The following LARP1B variants were observed in gnomAD, a reference collection of about 807,000 sequenced individuals.
The protein encoded by LARP1B is la-related protein 1B.
A neutral mutation model predicts 114.2 loss-of-function variants in LARP1B; 76 were observed. The ratio of observed to expected loss-of-function variants is 0.67; its 90% CI spans 0.55 to 0.81. The LOEUF (loss-of-function observed/expected upper bound fraction) is 0.81, where lower values mean the gene tolerates loss of function less well. LARP1B is among the 30% of genes least tolerant of loss of function. LARP1B has a pLI of 0.00. For missense variants in LARP1B, 1,014 were observed against 1,075.8 expected (o/e 0.94, Z 0.80); for synonymous variants, 345 against 348.0 (o/e 0.99, Z 0.10).
chr4:128,171,679 A>C (rs1477580605), intron 12 of LARP1B, among the ~76,000 whole-genome samples: 1 of 152,194 alleles, frequency 6.6e-6, no homozygotes, highest in African/African-American at 2.4e-5. Context: ...CAATTCTTTT[A>C]GAGCAGTTCA....
At chr4:128,144,036 T>C (rs1729280573) in intron 11 of LARP1B, among the ~76,000 whole-genome samples, 1 of 152,140 alleles carries the variant, frequency 6.6e-6, no homozygotes, top group Non-Finnish European at 1.5e-5. Flanking sequence ...TTCTTTGTTG[T>C]AGAAGCTGTC....
chr4:128,179,070 G>T (rs1747440480), intron 14 of LARP1B, among the ~76,000 whole-genome samples: 1 of 152,146 alleles, frequency 6.6e-6, no homozygotes, highest in Non-Finnish European at 1.5e-5. Context: ...TCCAGCCTTG[G>T]CAACAGAGTA....
chr4:128,132,928 G>A (rs1393580400), intron 11 of LARP1B, among the ~76,000 whole-genome samples: 2 of 151,890 alleles, frequency 1.3e-5, no homozygotes, highest in Non-Finnish European at 2.9e-5. Flanking sequence ...GGGGTGATGG[G>A]AGACAATGAC....
rs776553862 is a variant in LARP1B at position 128,073,418 on chromosome 4, C to CAA, written c.-77-1014_-77-1013dup. ...GCGACAGAGTGAGAAGATTCCGTCT[C>CAA]AAAAAAAAAAAAAAAAAAAAAAAAA... is the stretch of plus-strand genomic sequence containing the variant. On this transcript the variant is annotated intron_variant, in intron 1 of 19. Transcript: ENST00000326639. Among the ~76,000 whole-genome samples the CAA allele has an allele frequency of 4.0e-4, 17 of 42,912 alleles. 1 individual carries two copies. The highest frequency in any genetic ancestry group is 1.5e-3 in the African/African-American group (14 of 9,512). The allele number at this position is 42,912 out of a possible 152,430, so 28.2% of individuals were successfully genotyped here.
intron 1 of LARP1B, among the ~76,000 whole-genome samples, chr4:128,073,571 C>CTTTT (rs1491453447): frequency 2.0e-5 from 1 of 49,138 alleles, no homozygotes; most frequent in Non-Finnish European, 4.2e-5. Flanking sequence ...ATATTGTTGT[C>CTTTT]GTTTTTTTTT....
chr4:128,162,310 C>G lies in LARP1B; in HGVS notation c.1641C>G (p.Ser547=). ...AAGTTCCTGTAGCACCTTCACAGTC[C>G]AGGCAAGGTATGTAAATCTGCTTTT... ...NQEVPVAPSQ[S]RQGGVQGVLH... The change falls in exon 12 of 20, where the codon TCC becomes TCG. Residue 547 remains serine (S), a synonymous_variant. Coordinates refer to ENST00000326639, the MANE Select transcript of LARP1B (RefSeq NM_018078.4). 1 of 1,612,288 alleles carries G rather than the reference C, an allele frequency of 6.2e-7. No individual in the cohort carries two copies. Among genetic ancestry groups the G allele is most frequent in the South Asian group, 1.1e-5 (1 of 90,894 alleles).
intron 6 of LARP1B, among the ~76,000 whole-genome samples, chr4:128,217,197 C>T (rs1336220009): frequency 7.0e-4 from 95 of 135,686 alleles, no homozygotes; most frequent in African/African-American, 2.3e-3. Context: ...GATTCACAGC[C>T]GAATTCTGCC....
intron 5 of LARP1B, among the ~76,000 whole-genome samples, chr4:128,086,624 C>T (rs1193835430): frequency 6.6e-6 from 1 of 152,090 alleles, no homozygotes; most frequent in African/African-American, 2.4e-5. Flanking sequence ...AGCCACTGTA[C>T]CTGGCCTGCC....
rs1196409159 is a variant in LARP1B, at chr4:128,091,059, T to C, written c.417T>C (p.Ser139=). The C allele has an allele frequency of 1.2e-6, 2 of 1,613,752 alleles. No homozygotes were observed. Among genetic ancestry groups the C allele is most frequent in the Non-Finnish European group, 1.7e-6 (2 of 1,179,804 alleles). The change falls in exon 6 of 20, where the codon AGT becomes AGC. Residue 139 remains serine (S), a synonymous_variant. Transcript: ENST00000326639. ...AAGATGACGTTTCCAGTGTGAGAAG[T>C]GAGGGTGGTAATATCCGAGGTTCCT... is the stretch of plus-strand genomic sequence containing the variant. ...DDQDDVSSVR[S]EGGNIRGSFR...
downstream of LARP1B, among the ~76,000 whole-genome samples, chr4:128,213,874 C>T (rs1759300822): frequency 6.6e-6 from 1 of 151,978 alleles, no homozygotes; most frequent in African/African-American, 2.4e-5. Flanking sequence ...GTGATTTCTG[C>T]ATTTCCATCT....
intron 11 of LARP1B, among the ~76,000 whole-genome samples, chr4:128,131,212 A>G (rs1373120933): frequency 6.6e-6 from 1 of 152,286 alleles, no homozygotes; most frequent in South Asian, 2.1e-4. Context: ...GTGCAGGATG[A>G]TAGTGTGGGA....
intron 1 of LARP1B, among the ~76,000 whole-genome samples, chr4:128,068,814 CAA>C (rs149621928): frequency 0.018 from 2,733 of 152,112 alleles, 65 homozygotes; most frequent in East Asian, 0.1. Flanking sequence ...AAAGCAAAGA[CAA>C]AAAAGTTTAT....
chr4:128,071,004 T>A (rs1305806655), intron 1 of LARP1B, among the ~76,000 whole-genome samples: 1 of 152,064 alleles, frequency 6.6e-6, no homozygotes, highest in Non-Finnish European at 1.5e-5. Flanking sequence ...ATTTTTTAAG[T>A]TTATGAGTCA....
At chr4:128,094,256 G>A (rs900729009) in intron 7 of LARP1B, among the ~76,000 whole-genome samples, 1 of 151,922 alleles carries the variant, frequency 6.6e-6, no homozygotes, top group Admixed American at 6.6e-5. Flanking sequence ...GTGAAAACTT[G>A]TATTAATTGT....
Position 128,110,494 on chromosome 4 carries a change from G to A in LARP1B, c.988+3181G>A, listed in dbSNP as rs568316838. Among the ~76,000 whole-genome samples the A allele has an allele frequency of 3.2e-3, 481 of 149,662 alleles. 3 individuals are homozygous for A. The highest frequency in any genetic ancestry group is 0.011 in the African/African-American group (453 of 40,694). On this transcript the variant is annotated intron_variant, in intron 9 of 19. Transcript: ENST00000326639. ...CGAGACCATCCCGGCTAAAAAAAAC[G>A]GTGAAACCCCGTCTCTACTAAAAAT...
intron 15 of LARP1B, among the ~76,000 whole-genome samples, chr4:128,180,698 T>C (rs541031826): frequency 4.7e-4 from 71 of 152,238 alleles, no homozygotes; most frequent in Non-Finnish European, 7.3e-4. Flanking sequence ...TTGGGAATTA[T>C]GAATAAAGCT....
At chr4:128,117,636 G>A (rs779881713) in intron 10 of LARP1B, among the ~76,000 whole-genome samples, 6 of 150,638 alleles carry the variant, frequency 4.0e-5, no homozygotes, top group Admixed American at 4.0e-4. Flanking sequence ...CACCCGCCTC[G>A]GCCTCCCAAA....
chr4:128,170,706 C>CA (rs1429292224), intron 12 of LARP1B, among the ~76,000 whole-genome samples: 3 of 151,956 alleles, frequency 2.0e-5, no homozygotes, highest in Non-Finnish European at 4.4e-5. Context: ...TTAACGTACC[C>CA]ATATCATTAT....
At position 128,121,962 on chromosome 4, in the gene LARP1B, A is replaced by T. The variant is rs972649435; in HGVS notation, c.1298A>T (p.Asp433Val). The change falls in exon 11 of 20, where the codon GAT becomes GTT. Residue 433 changes from aspartate (D) to valine (V), a missense_variant. Coordinates refer to ENST00000326639, the MANE Select transcript of LARP1B (RefSeq NM_018078.4). ...AAAAACACATTTACTGATTGGTCTG[A>T]TAATGATTCAGATTATGAAATTGAT... Reference protein sequence around the residue: ...GRKNTFTDWSDNDSDYEIDDQ... With the variant: ...GRKNTFTDWSVNDSDYEIDDQ... The T allele has an allele frequency of 3.7e-6, 6 of 1,612,976 alleles. No individual in the cohort carries two copies. Among genetic ancestry groups the T allele is most frequent in the Admixed American group, 1.7e-5 (1 of 60,022 alleles).
Sources: allele counts gnomAD v4.1 joint callset (sites outside exome capture counted in the v4.1 genomes callset), GRCh38; gene constraint gnomAD v4.1.1; transcripts MANE v1.5; gene names NCBI Gene and HGNC (gene_info 2026-07-23, HGNC 2026-07-21).